The following GALNTL6 variants were observed in gnomAD, a reference collection of about 807,000 sequenced individuals.
GALNTL6 encodes the protein polypeptide N-acetylgalactosaminyltransferase-like 6.
GALNTL6 carries 46 observed loss-of-function variants against 73.7 expected under a neutral mutation model. The ratio of observed to expected loss-of-function variants is 0.62; its 90% CI spans 0.49 to 0.80. GALNTL6 has a LOEUF of 0.80. Among genes scored for constraint, GALNTL6 ranks in the 30% least tolerant of loss-of-function variants. The probability of loss-of-function intolerance (pLI) is 0.00; values close to 1 mark genes in which losing one functional copy is unlikely to be tolerated. For synonymous variants in GALNTL6, 259 were observed against 263.7 expected (o/e 0.98, Z 0.17); for missense variants, 604 against 755.0 (o/e 0.80, Z 2.34).
chr4:172,835,392 A>G (rs1396593432), intron 7 of GALNTL6, among the ~76,000 whole-genome samples: 1 of 152,226 alleles, frequency 6.6e-6, no homozygotes, highest in East Asian at 1.9e-4. Context: ...GGTATAGACA[A>G]TAACATGAGC....
chr4:172,923,045 G>A (rs1457594296), intron 8 of GALNTL6, among the ~76,000 whole-genome samples: 1 of 152,202 alleles, frequency 6.6e-6, no homozygotes, highest in Non-Finnish European at 1.5e-5. Flanking sequence ...ATGCAGGAAG[G>A]ACCGCTCCTT....
chr4:172,619,453 T>C (rs1324495866), intron 5 of GALNTL6, among the ~76,000 whole-genome samples: 1 of 152,216 alleles, frequency 6.6e-6, no homozygotes, highest in Non-Finnish European at 1.5e-5. Context: ...CCCAACATTA[T>C]GACTCTTGTG....
intron 2 of GALNTL6, among the ~76,000 whole-genome samples, chr4:172,076,960 T>G (rs1327895154): frequency 6.6e-6 from 1 of 152,176 alleles, no homozygotes; most frequent in East Asian, 1.9e-4. Context: ...CAAGATGGTT[T>G]AAAAGTGTAT....
Position 171,963,647 on chromosome 4 carries a change from G to T in GALNTL6, c.138+148929G>T, listed in dbSNP as rs144061104. ...TTTCAATTAACCCTAAGGAGTGATG[G>T]TAACCTAAATGTAAATCGCTTACTT... On this transcript the variant is annotated intron_variant, in intron 2 of 12. Coordinates refer to ENST00000506823, the MANE Select transcript of GALNTL6 (RefSeq NM_001034845.3). Among the ~76,000 whole-genome samples the T allele has an allele frequency of 2.0e-4, 30 of 152,284 alleles. No homozygotes were observed. In the East Asian group the frequency reaches 5.4e-3, roughly 27 times the overall value.
intron 10 of GALNTL6, among the ~76,000 whole-genome samples, chr4:173,001,364 A>G (rs1421161221): frequency 2.6e-5 from 4 of 152,226 alleles, no homozygotes; most frequent in Admixed American, 6.5e-5. Context: ...TACACTATAC[A>G]CAAAATTTAA....
intron 5 of GALNTL6, among the ~76,000 whole-genome samples, chr4:172,794,857 G>A (rs1560957344): frequency 1.3e-5 from 2 of 152,044 alleles, no homozygotes; most frequent in Admixed American, 6.6e-5. Flanking sequence ...TCTTAATCAC[G>A]TCCCTTTCAC....
intron 2 of GALNTL6, among the ~76,000 whole-genome samples, chr4:172,112,925 T>A (rs909540538): frequency 6.6e-6 from 1 of 151,974 alleles, no homozygotes; most frequent in Non-Finnish European, 1.5e-5. Context: ...GTCTTTGATC[T>A]TGGACTACCC....
intron 5 of GALNTL6, among the ~76,000 whole-genome samples, chr4:172,446,760 A>G (rs1424974935): frequency 1.3e-5 from 2 of 152,104 alleles, no homozygotes; most frequent in Non-Finnish European, 2.9e-5. Context: ...GAGCAGCAAC[A>G]CTCATAGCCT....
chr4:172,992,582 T>A (rs549152219), intron 10 of GALNTL6, among the ~76,000 whole-genome samples: 15 of 152,300 alleles, frequency 9.8e-5, no homozygotes, highest in African/African-American at 3.6e-4. Context: ...GCATCACACA[T>A]ACACACAACA....
chr4:172,605,241 A>G (rs938466486), intron 5 of GALNTL6, among the ~76,000 whole-genome samples: 1 of 152,174 alleles, frequency 6.6e-6, no homozygotes, highest in African/African-American at 2.4e-5. Context: ...CTGCTAAAAT[A>G]TAGGAAAAGT....
intron 8 of GALNTL6, among the ~76,000 whole-genome samples, chr4:172,888,642 C>A (rs1369793256): frequency 6.6e-6 from 1 of 152,138 alleles, no homozygotes; most frequent in Non-Finnish European, 1.5e-5. Context: ...CAGTACCCTC[C>A]TGTTTTGATT....
intron 5 of GALNTL6, among the ~76,000 whole-genome samples, chr4:172,641,470 A>G (rs1739978103): frequency 6.6e-6 from 1 of 151,964 alleles, no homozygotes; most frequent in South Asian, 2.1e-4. Flanking sequence ...CTATCCTAAA[A>G]CACACCAGTC....
chr4:172,996,599 C>T (rs1579759001), intron 10 of GALNTL6, among the ~76,000 whole-genome samples: 1 of 152,152 alleles, frequency 6.6e-6, no homozygotes, highest in East Asian at 1.9e-4. Context: ...GGCTCTCATT[C>T]TCATGTGATC....
intron 5 of GALNTL6, among the ~76,000 whole-genome samples, chr4:172,678,183 G>A (rs1732416846): frequency 6.6e-6 from 1 of 152,238 alleles, no homozygotes; most frequent in Non-Finnish European, 1.5e-5. Context: ...GGCACTGGCT[G>A]TGACTGGACT....
At chr4:172,676,583 A>G (rs758240098) in intron 5 of GALNTL6, among the ~76,000 whole-genome samples, 7 of 152,190 alleles carry the variant, frequency 4.6e-5, no homozygotes, top group Non-Finnish European at 1.0e-4. Flanking sequence ...CCGCTTTCTT[A>G]TACAAAACAC....
intron 5 of GALNTL6, among the ~76,000 whole-genome samples, chr4:172,503,373 T>C (rs1734329842): frequency 6.6e-6 from 1 of 151,948 alleles, no homozygotes; most frequent in Non-Finnish European, 1.5e-5. Context: ...TTGAAATTAT[T>C]TACCTGAATT....
chr4:172,815,426 G>A (rs953583322), intron 7 of GALNTL6, among the ~76,000 whole-genome samples: 5 of 152,266 alleles, frequency 3.3e-5, no homozygotes, highest in African/African-American at 4.8e-5. Context: ...CAGTTCGGCC[G>A]CTATGATGTG....
chr4:172,838,140 T>C (rs1197879098), intron 7 of GALNTL6, among the ~76,000 whole-genome samples: 1 of 149,920 alleles, frequency 6.7e-6, no homozygotes, highest in African/African-American at 2.4e-5. Flanking sequence ...GTGGGGGCAG[T>C]TGAGAGATGG....
intron 5 of GALNTL6, among the ~76,000 whole-genome samples, chr4:172,489,007 G>A (rs1489591310): frequency 6.6e-6 from 1 of 152,098 alleles, no homozygotes; most frequent in Non-Finnish European, 1.5e-5. Context: ...ACAAATACCT[G>A]CAAAGAATTT....
Sources: gnomAD v4.1 joint callset for allele counts (sites outside exome capture counted in the v4.1 genomes callset) on GRCh38, gnomAD v4.1.1 for gene constraint, MANE v1.5 for transcripts, NCBI Gene and HGNC (gene_info 2026-07-23, HGNC 2026-07-21) for gene names.